TSPEAR: variants seen among roughly 807,000 people sequenced by gnomAD.
TSPEAR encodes the protein thrombospondin type laminin G domain and EAR repeats, also known as thrombospondin-type laminin G domain and EAR repeat-containing protein.
A neutral mutation model predicts 71.6 loss-of-function variants in TSPEAR; 69 were observed. That is an observed-to-expected ratio of 0.96 (90% CI 0.79 to 1.18). TSPEAR has a LOEUF of 1.18. Among genes scored for constraint, TSPEAR ranks in the 50% most tolerant of loss-of-function variants. The probability of loss-of-function intolerance (pLI) is 0.00; values close to 1 mark genes in which losing one functional copy is unlikely to be tolerated. For missense variants in TSPEAR, 971 were observed against 894.9 expected (o/e 1.09, Z -1.09); for synonymous variants, 402 against 387.2 (o/e 1.04, Z -0.45).
chr21:44,678,969 T>A (rs915123456), intron 1 of TSPEAR, among the ~76,000 whole-genome samples: 7 of 152,180 alleles, frequency 4.6e-5, no homozygotes, highest in Non-Finnish European at 8.8e-5. Flanking sequence ...TATCTACTGT[T>A]CCTTGTATAA....
rs368439833 is a variant in TSPEAR, at chr21:44,665,465, G to A, written c.82+45968C>T. On this transcript the variant is annotated intron_variant, in intron 1 of 11. Coordinates refer to ENST00000323084, the MANE Select transcript of TSPEAR (RefSeq NM_144991.3). ...TGCAGAAGAATGCTACCAGCACAAC[G>A]CAGACTGGGAAAAGCAAGTTCCAGA... 3.3e-5 allele frequency among the ~76,000 whole-genome samples: 5 copies of A among 152,328 alleles called. No homozygotes were observed. The South Asian group carries it at 8.3e-4, about 25-fold the overall frequency.
chr21:44,564,433 CAGAA>C (rs1272606838), intron 2 of TSPEAR, among the ~76,000 whole-genome samples: 13 of 152,080 alleles, frequency 8.5e-5, no homozygotes, highest in Non-Finnish European at 2.9e-5. Flanking sequence ...TGAAAGTAAA[CAGAA>C]AGAGATAAAC....
chr21:44,702,765 C>G, intron 1 of TSPEAR: 1 of 1,346,856 alleles, frequency 7.4e-7, no homozygotes, highest in Non-Finnish European at 1.1e-6. Flanking sequence ...ACCTGGCCTG[C>G]TGAGGCCTCT....
intron 1 of TSPEAR, among the ~76,000 whole-genome samples, chr21:44,600,354 AG>A (rs1439375568): frequency 1.3e-5 from 2 of 152,134 alleles, no homozygotes; most frequent in South Asian, 4.1e-4. Context: ...AAGGTAGGTG[AG>A]GGTGCGTCAA....
intron 1 of TSPEAR, among the ~76,000 whole-genome samples, chr21:44,624,858 G>A (rs1555934043): frequency 6.6e-6 from 1 of 152,156 alleles, no homozygotes; most frequent in African/African-American, 2.4e-5. Context: ...TCACTTCTGT[G>A]CACTTTCCCT....
rs549487407 is a variant in TSPEAR, at chr21:44,702,572, C to T, written c.82+8861G>A. 2.9e-5 allele frequency: 47 copies of T among 1,608,872 alleles called. No homozygotes were observed. In the East Asian group the frequency reaches 5.4e-4, roughly 18 times the overall value. On this transcript the variant is annotated intron_variant, in intron 1 of 11. Coordinates refer to ENST00000323084, the MANE Select transcript of TSPEAR (RefSeq NM_144991.3). ...TGCTGCCAGCAGTCTAGCTGCCAGC[C>T]GGCTTGCTGCACTTCCTCCTGCTGC...
chr21:44,547,526 T>C (rs1426623249), intron 2 of TSPEAR, among the ~76,000 whole-genome samples: 5 of 152,248 alleles, frequency 3.3e-5, no homozygotes, highest in Non-Finnish European at 7.3e-5. Flanking sequence ...TCTGTGCAGT[T>C]TGCTGTTGCT....
At chr21:44,555,358 C>G (rs1000491798) in intron 2 of TSPEAR, among the ~76,000 whole-genome samples, 1 of 152,112 alleles carries the variant, frequency 6.6e-6, no homozygotes, top group African/African-American at 2.4e-5. Flanking sequence ...CCACACAGAG[C>G]CTCCTCTCCC....
At chr21:44,679,320 C>A (rs1986469602) in intron 1 of TSPEAR, among the ~76,000 whole-genome samples, 1 of 152,090 alleles carries the variant, frequency 6.6e-6, no homozygotes, top group Admixed American at 6.6e-5. Flanking sequence ...AAATAAAATA[C>A]CTGGCAATAA....
intron 3 of TSPEAR, 152 bp from the exon 4 acceptor site, chr21:44,531,285 C>T (rs1569168191): frequency 2.8e-5 from 18 of 641,936 alleles, no homozygotes; most frequent in Admixed American, 5.5e-5. Flanking sequence ...ATCGCCTGCA[C>T]AGCTCTGGAG....
Position 44,509,358 on chromosome 21 carries a change from A to G in TSPEAR, c.1595T>C (p.Phe532Ser), listed in dbSNP as rs1555912329. The change falls in exon 10 of 12, where the codon TTC (phenylalanine) becomes TCC (serine). Residue 532 changes from phenylalanine to serine, a missense_variant. Transcript: ENST00000323084. ...GAGGAAGATCCTCTCCCCGATCTGG[A>G]AGACCTCCCAGTCTGCAGCACCGAA... ...PTFGAADWEV[F>S]QIGERIFLAV... 1 of 1,613,642 alleles carries G rather than the reference A, an allele frequency of 6.2e-7. No individual in the cohort carries two copies. The highest frequency in any genetic ancestry group is 1.3e-5 in the African/African-American group (1 of 74,836).
chr21:44,695,801 G>C lies in TSPEAR; in HGVS notation c.82+15632C>G, dbSNP rs1378627566. 3.3e-5 allele frequency among the ~76,000 whole-genome samples: 5 copies of C among 152,118 alleles called. No homozygotes were observed. Among genetic ancestry groups the C allele is most frequent in the Non-Finnish European group, 7.4e-5 (5 of 68,026 alleles). On this transcript the variant is annotated intron_variant, in intron 1 of 11. Transcript: ENST00000323084. This position sits in a 1 kb window ranked among gnomAD's most constrained non-coding sequence, Gnocchi z 4.5. The stretch of plus-strand genomic sequence containing the variant: ...ATCACAGGGTAATGTTTACAACGCA[G>C]AGACCAGCAGACACCACACACCAGG...
At chr21:44,634,672 T>C (rs1439038548) in intron 1 of TSPEAR, among the ~76,000 whole-genome samples, 5 of 152,176 alleles carry the variant, frequency 3.3e-5, no homozygotes, top group Non-Finnish European at 5.9e-5. Context: ...GGCAAAGTCC[T>C]TTAATAGACA....
intron 2 of TSPEAR, among the ~76,000 whole-genome samples, chr21:44,536,925 C>A (rs1407688655): frequency 6.6e-6 from 1 of 152,068 alleles, no homozygotes; most frequent in African/African-American, 2.4e-5. Context: ...TATACTAAGA[C>A]AACATAATAG....
rs587688579 is a variant in TSPEAR, at chr21:44,652,023, G to A, written c.82+59410C>T. The stretch of plus-strand genomic sequence containing the variant: ...TTTTGAAACGGAGTCTCACTGTGTC[G>A]CCCAGGCTGGAGTGCAGTGGCGCGA... On this transcript the variant is annotated intron_variant, in intron 1 of 11. Coordinates refer to ENST00000323084, the MANE Select transcript of TSPEAR (RefSeq NM_144991.3). Among the ~76,000 whole-genome samples, 15 of 132,088 alleles carry A rather than the reference G, an allele frequency of 1.1e-4. No homozygotes were observed. The South Asian group carries it at 1.9e-3, about 16-fold the overall frequency. 86.7% of individuals were successfully genotyped at this position (132,088 alleles called of 152,430 possible).
intron 10 of TSPEAR, among the ~76,000 whole-genome samples, chr21:44,505,639 G>C (rs1555911834): frequency 7.2e-6 from 1 of 138,914 alleles, no homozygotes; most frequent in African/African-American, 2.7e-5. Context: ...ACCACTCTAG[G>C]GACCTCATAT....
chr21:44,650,952 G>A (rs1555941304), intron 1 of TSPEAR, among the ~76,000 whole-genome samples: 1 of 152,184 alleles, frequency 6.6e-6, no homozygotes, highest in Non-Finnish European at 1.5e-5. Flanking sequence ...TCTGGGGGAG[G>A]ACAGGGTGAC....
chr21:44,499,623 G>T lies in TSPEAR; in HGVS notation c.*160C>A, dbSNP rs1443918286. The T allele has an allele frequency of 1.8e-5, 12 of 684,390 alleles. No individual in the cohort carries two copies. The highest frequency in any genetic ancestry group is 2.5e-5 in the Non-Finnish European group (11 of 432,350). The allele number at this position is 684,390 out of a possible 1,614,324, so 42.4% of individuals were successfully genotyped here. A position where few individuals can be genotyped will look rare whatever the true frequency, so the allele number is the denominator to read the frequency against. ...GACTCAGAGGTGGATGGATGTCCCTGCCCGAACCAGGGCCGCAGATGGCCC... is the reference window on the plus strand; with the variant it reads ...GACTCAGAGGTGGATGGATGTCCCTTCCCGAACCAGGGCCGCAGATGGCCC... On this transcript the variant is annotated 3_prime_UTR_variant, in exon 12 of 12. Coordinates refer to ENST00000323084, the MANE Select transcript of TSPEAR (RefSeq NM_144991.3).
At chr21:44,532,920 TG>T (rs1185318033) in intron 3 of TSPEAR, among the ~76,000 whole-genome samples, 7 of 152,248 alleles carry the variant, frequency 4.6e-5, no homozygotes, top group African/African-American at 1.7e-4. Flanking sequence ...ACGAGGAACC[TG>T]CCATGTGGAG....
Sources: allele counts gnomAD v4.1 joint callset (sites outside exome capture counted in the v4.1 genomes callset), GRCh38; gene constraint gnomAD v4.1.1; non-coding constraint Gnocchi (gnomAD v3.1); transcripts MANE v1.5; gene names NCBI Gene and HGNC (gene_info 2026-07-23, HGNC 2026-07-21).